The following BNC2 variants were observed in gnomAD, a reference collection of about 807,000 sequenced individuals.
BNC2 encodes the protein zinc finger protein basonuclin-2.
Under a neutral mutation model 76.3 loss-of-function variants are expected in BNC2, and 20 were observed. The observed-to-expected ratio is 0.26, with a 90% CI of 0.18 to 0.38. The LOEUF is 0.38. Among genes scored for constraint, BNC2 ranks in the 10% least tolerant of loss-of-function variants. The pLI, the probability that BNC2 is intolerant of heterozygous loss-of-function variation, is 1.00. For missense variants in BNC2, 1,382 were observed against 1,399.8 expected (o/e 0.99, Z 0.20); for synonymous variants, 582 against 514.8 (o/e 1.13, Z -1.77).
intron 5 of BNC2, among the ~76,000 whole-genome samples, chr9:16,502,532 CTGTTT>C (rs1048467685): frequency 1.3e-5 from 2 of 151,542 alleles, no homozygotes; most frequent in Non-Finnish European, 2.9e-5. Context: ...CATTTCCACA[CTGTTT>C]TGTTTTGTCT....
intron 5 of BNC2, among the ~76,000 whole-genome samples, chr9:16,518,960 T>TCAAA (rs1271963892): frequency 6.6e-6 from 1 of 152,160 alleles, no homozygotes; most frequent in Non-Finnish European, 1.5e-5. Flanking sequence ...GTTTGGTGAG[T>TCAAA]CAAACAAACA....
chr9:16,590,767 A>G (rs1172701389), intron 3 of BNC2, among the ~76,000 whole-genome samples: 1 of 152,068 alleles, frequency 6.6e-6, no homozygotes, highest in African/African-American at 2.4e-5. Flanking sequence ...TGATCATACC[A>G]CTGCACTCCC....
chr9:16,570,781 C>A (rs12339625), intron 4 of BNC2, among the ~76,000 whole-genome samples: 15,879 of 152,028 alleles, frequency 0.1, 1,298 homozygotes, highest in African/African-American at 0.22. Context: ...ATCAACAAGG[C>A]AAAAACTCTT....
chr9:16,426,325 C>CTTTTT (rs34622231), intron 6 of BNC2, among the ~76,000 whole-genome samples: 2 of 136,978 alleles, frequency 1.5e-5, no homozygotes, highest in Admixed American at 7.3e-5. Flanking sequence ...CCATGCCCAG[C>CTTTTT]TTTTTTTTTT....
chr9:16,443,064 CAAAAAAAAAAA>C (rs908689709), intron 5 of BNC2, among the ~76,000 whole-genome samples: 1 of 63,672 alleles, frequency 1.6e-5, no homozygotes, highest in African/African-American at 5.5e-5. Context: ...GAGACTCTGT[CAAAAAAAAAAA>C]AAAAAAAAAG....
At chr9:16,870,520 CT>C in intron 1 of BNC2, 125 bp downstream of exon 1, 2 of 1,097,212 alleles carry the variant, frequency 1.8e-6, no homozygotes, top group Non-Finnish European at 2.6e-6. Context: ...CTCAGCGCCC[CT>C]TGCCCCTCAC....
chr9:16,766,903 C>A (rs1356912215), intron 1 of BNC2, among the ~76,000 whole-genome samples: 1 of 152,206 alleles, frequency 6.6e-6, no homozygotes, highest in African/African-American at 2.4e-5. Context: ...CTCCCCTACC[C>A]AGTTTTATGG....
intron 6 of BNC2, among the ~76,000 whole-genome samples, chr9:16,427,059 TA>T (rs1820815683): frequency 6.6e-6 from 1 of 152,208 alleles, no homozygotes; most frequent in Non-Finnish European, 1.5e-5. Flanking sequence ...GCCTGGTGCT[TA>T]TATCTCATTT....
chr9:16,667,773 T>C lies in BNC2; in HGVS notation c.330+60024A>G, dbSNP rs201994579. Among the ~76,000 whole-genome samples, 14 of 152,324 alleles carry C rather than the reference T, an allele frequency of 9.2e-5. No individual in the cohort carries two copies. In the East Asian group the frequency reaches 2.3e-3, roughly 25 times the overall value. The stretch of plus-strand genomic sequence containing the variant: ...TAGCATATGTTTTGAGGACCTACTA[T>C]GTATGGGGCACTATGCTGGATACAA... On this transcript the variant is annotated intron_variant, in intron 3 of 6. Transcript: ENST00000380672.
chr9:16,770,393 G>A (rs1483610752), intron 1 of BNC2, among the ~76,000 whole-genome samples: 2 of 152,180 alleles, frequency 1.3e-5, no homozygotes, highest in East Asian at 1.9e-4. Flanking sequence ...ATAATTCACT[G>A]ACAATCAGAA....
chr9:16,769,188 A>G (rs1030491294), intron 1 of BNC2, among the ~76,000 whole-genome samples: 2 of 152,230 alleles, frequency 1.3e-5, no homozygotes, highest in South Asian at 2.1e-4. Context: ...ATTCAGACAT[A>G]TAGCACAAAA....
chr9:16,510,726 G>T (rs1822734906), intron 5 of BNC2, among the ~76,000 whole-genome samples: 1 of 152,142 alleles, frequency 6.6e-6, no homozygotes, highest in Non-Finnish European at 1.5e-5. Flanking sequence ...GGAATAAATT[G>T]ACCTACAAAT....
chr9:16,470,546 T>C (rs1467122583), intron 5 of BNC2, among the ~76,000 whole-genome samples: 1 of 152,200 alleles, frequency 6.6e-6, no homozygotes, highest in Non-Finnish European at 1.5e-5. Flanking sequence ...GGTGGTTTCA[T>C]GGGCTGAGCC....
At chr9:16,538,629 C>T (rs1161305086) in intron 5 of BNC2, among the ~76,000 whole-genome samples, 2 of 152,130 alleles carry the variant, frequency 1.3e-5, no homozygotes, top group Non-Finnish European at 2.9e-5. Flanking sequence ...TGCTTACCTT[C>T]TATAATCTAA....
intron 3 of BNC2, among the ~76,000 whole-genome samples, chr9:16,616,790 G>GGGAGGGAA (rs1820712756): frequency 9.7e-5 from 1 of 10,338 alleles, no homozygotes; most frequent in Non-Finnish European, 5.8e-4. Flanking sequence ...GGAGGAAGGA[G>GGGAGGGAA]GGAAGGAAGG....
chr9:16,525,871 G>A (rs1353390626), intron 5 of BNC2, among the ~76,000 whole-genome samples: 1 of 151,950 alleles, frequency 6.6e-6, no homozygotes, highest in Non-Finnish European at 1.5e-5. Flanking sequence ...TTCAACCACA[G>A]TCCTTTATAT....
At chr9:16,453,785 G>A (rs1424211071) in intron 5 of BNC2, among the ~76,000 whole-genome samples, 1 of 152,098 alleles carries the variant, frequency 6.6e-6, no homozygotes, top group Non-Finnish European at 1.5e-5. Flanking sequence ...CCACTTTCCC[G>A]AGTGACAGAG....
intron 5 of BNC2, among the ~76,000 whole-genome samples, chr9:16,534,935 T>C (rs1328920742): frequency 6.6e-6 from 1 of 152,184 alleles, no homozygotes; most frequent in Non-Finnish European, 1.5e-5. Flanking sequence ...AAAATGTGGA[T>C]GAATCAAATA....
chr9:16,573,384 A>G lies in BNC2; in HGVS notation c.433+9599T>C, dbSNP rs868741759. On this transcript the variant is annotated intron_variant, in intron 4 of 6. Coordinates refer to ENST00000380672, the MANE Select transcript of BNC2 (RefSeq NM_017637.6). The stretch of plus-strand genomic sequence containing the variant: ...ATATATGGAAGAACAACTCTTAATG[A>G]CTATTTTACATTCTTTTTTTAAATA... 9.8e-5 allele frequency among the ~76,000 whole-genome samples: 15 copies of G among 152,296 alleles called. No individual in the cohort carries two copies. In the Middle Eastern group the frequency reaches 0.01, roughly 104 times the overall value.
Sources: gnomAD v4.1 joint callset for allele counts (sites outside exome capture counted in the v4.1 genomes callset) on GRCh38, gnomAD v4.1.1 for gene constraint, MANE v1.5 for transcripts, NCBI Gene and HGNC (gene_info 2026-07-23, HGNC 2026-07-21) for gene names.